CCDC13: variants seen among roughly 807,000 people sequenced by gnomAD.
CCDC13 encodes coiled-coil domain containing 13.
In CCDC13, 70 loss-of-function variants were observed where a neutral mutation model predicts 87.3. The observed-to-expected ratio is 0.80, with a 90% confidence interval of 0.66 to 0.98. The LOEUF is 0.98. Ranked by LOEUF, CCDC13 falls within the 50% of genes least tolerant of loss-of-function variation. The pLI is 0.00. For synonymous variants in CCDC13, 317 were observed against 360.3 expected (o/e 0.88, Z 1.36); for missense variants, 842 against 892.0 (o/e 0.94, Z 0.71).
intron 1 of CCDC13, among the ~76,000 whole-genome samples, chr3:42,767,341 C>T (rs1355878870): frequency 6.6e-6 from 1 of 152,142 alleles, no homozygotes; most frequent in African/African-American, 2.4e-5. Context: ...CATTGAAATA[C>T]TTAGGTATAA....
chr3:42,724,317 C>T (rs1256780259), intron 13 of CCDC13, among the ~76,000 whole-genome samples: 2 of 152,176 alleles, frequency 1.3e-5, no homozygotes, highest in African/African-American at 4.8e-5. Context: ...GGGGGTCACC[C>T]TTGCCTTCTC....
chr3:42,757,139 C>G lies in CCDC13; in HGVS notation c.297G>C (p.Lys99Asn). ...TTTCAAAGTCCCTTTCCTTCAGCAG[C>G]TTATACAATCGCCCGTTCTCGTCCA... ...ETVDENGRLYKLLKERDFEIK... is the reference protein window; with the variant it reads ...ETVDENGRLYNLLKERDFEIK... The change falls in exon 3 of 16, where the codon AAG (lysine) becomes AAC (asparagine). Residue 99 changes from lysine to asparagine, a missense_variant. Lys to Asn is a moderately conservative substitution (Grantham distance 94). Coordinates refer to ENST00000310232, the MANE Select transcript of CCDC13 (RefSeq NM_144719.4). 1 of 1,614,212 alleles carries G rather than the reference C, an allele frequency of 6.2e-7. No homozygotes were observed. The highest frequency in any genetic ancestry group is 8.5e-7 in the Non-Finnish European group (1 of 1,180,028).
At chr3:42,746,397 G>C in intron 6 of CCDC13, 1 of 227,670 alleles carries the variant, frequency 4.4e-6, no homozygotes, top group South Asian at 7.7e-5. Context: ...GCTATAGGAA[G>C]TACATCACCA....
At chr3:42,722,362 T>C (rs1455280886) in intron 13 of CCDC13, among the ~76,000 whole-genome samples, 1 of 152,150 alleles carries the variant, frequency 6.6e-6, no homozygotes, top group South Asian at 2.1e-4. Context: ...GTCAGAGGCA[T>C]TTGAACAAGA....
At chr3:42,760,817 G>A (rs1442554954) in intron 1 of CCDC13, among the ~76,000 whole-genome samples, 1 of 151,820 alleles carries the variant, frequency 6.6e-6, no homozygotes, top group Non-Finnish European at 1.5e-5. Context: ...AAAATAAAAT[G>A]GTATCTCAAT....
At chr3:42,770,062 G>T (rs1444320648) in intron 1 of CCDC13, among the ~76,000 whole-genome samples, 1 of 152,258 alleles carries the variant, frequency 6.6e-6, no homozygotes, top group African/African-American at 2.4e-5. Flanking sequence ...GCACACAGCG[G>T]GACTGGCCGG....
At chr3:42,727,599 T>C (rs1033412234) in intron 13 of CCDC13, among the ~76,000 whole-genome samples, 1 of 152,102 alleles carries the variant, frequency 6.6e-6, no homozygotes, top group Non-Finnish European at 1.5e-5. Flanking sequence ...AAGACTTACT[T>C]TGGAGGGTTT....
chr3:42,749,883 G>A, intron 5 of CCDC13: 1 of 456,750 alleles, frequency 2.2e-6, no homozygotes, highest in African/African-American at 2.0e-5. Context: ...ATGTGCTTTG[G>A]AGGCCTAGGG....
chr3:42,766,077 C>T (rs1699926700), intron 1 of CCDC13, among the ~76,000 whole-genome samples: 1 of 152,000 alleles, frequency 6.6e-6, no homozygotes, highest in African/African-American at 2.4e-5. Context: ...GAATTGCTGC[C>T]AAATGGAAGG....
intron 1 of CCDC13, among the ~76,000 whole-genome samples, chr3:42,771,980 G>A (rs984272641): frequency 6.6e-6 from 1 of 152,030 alleles, no homozygotes; most frequent in African/African-American, 2.4e-5. Context: ...TCTTTTAAAA[G>A]TAAAGGCTAA....
At chr3:42,709,858 C>G in intron 14 of CCDC13, 60 bp from the exon 15 acceptor site, 1 of 1,282,906 alleles carries the variant, frequency 7.8e-7, no homozygotes, top group Non-Finnish European at 1.1e-6. Context: ...TAGCACCCTG[C>G]TTCTCCTCCC....
rs574333172 is a variant in CCDC13 at position 42,773,211 on chromosome 3, G to C, written c.-42C>G. The C allele has an allele frequency of 2.5e-3, 386 of 152,312 alleles. 3 individuals are homozygous for C. Among genetic ancestry groups the C allele is most frequent in the Non-Finnish European group, 1.9e-3 (128 of 68,036 alleles). The allele number at this position is 152,312 out of a possible 1,614,324, so 9.4% of individuals were successfully genotyped here. A position where few individuals can be genotyped will look rare whatever the true frequency, so the allele number is the denominator to read the frequency against. ...CTCCACTTCTCCCTTCTAGGACCGC[G>C]GCGGCTAGGTCACCTCCTCCGGACG... On this transcript the variant is annotated 5_prime_UTR_variant, in exon 1 of 16. Coordinates refer to ENST00000310232, the MANE Select transcript of CCDC13 (RefSeq NM_144719.4).
chr3:42,747,367 T>A lies in CCDC13; in HGVS notation c.610A>T (p.Thr204Ser). ...AQMGDRALLE[T>S]PEVKALQDRL... Reference sequence around the variant, plus strand: ...TCCTGCAGGGCCTTCACCTCTGGGGTCTCCAGCTGGTTGGGAAGGACAGGA... The same window carrying A: ...TCCTGCAGGGCCTTCACCTCTGGGGACTCCAGCTGGTTGGGAAGGACAGGA... The change falls in exon 6 of 16, where the codon ACC becomes TCC. Residue 204 changes from threonine (T) to serine (S), a missense_variant. Transcript: ENST00000310232. 6.2e-7 allele frequency: 1 copy of A among 1,612,112 alleles called. No individual in the cohort carries two copies. The highest frequency in any genetic ancestry group is 2.2e-5 in the East Asian group (1 of 44,848).
chr3:42,751,332 A>C (rs1482555940), intron 5 of CCDC13, among the ~76,000 whole-genome samples: 3 of 152,212 alleles, frequency 2.0e-5, no homozygotes, highest in African/African-American at 7.2e-5. Flanking sequence ...ACTTCCTTTC[A>C]TGGAGCTGCA....
At chr3:42,746,756 C>T (rs1451866521) in intron 6 of CCDC13, 4 of 180,412 alleles carry the variant, frequency 2.2e-5, no homozygotes, top group African/African-American at 2.4e-5. Flanking sequence ...AAATAAATAA[C>T]GAACCAGCTG....
At chr3:42,746,784 T>G (rs1192716611) in intron 6 of CCDC13, 1 of 209,866 alleles carries the variant, frequency 4.8e-6, no homozygotes, top group Non-Finnish European at 9.7e-6. Flanking sequence ...GTCCCAAGTC[T>G]GAGCATTTTC....
At chr3:42,757,009 C>G in intron 3 of CCDC13, 57 bp downstream of exon 3, 1 of 1,544,098 alleles carries the variant, frequency 6.5e-7, no homozygotes, top group Non-Finnish European at 8.9e-7. Flanking sequence ...TGCTGTCTGC[C>G]CTATCTGAAG....
intron 13 of CCDC13, among the ~76,000 whole-genome samples, chr3:42,715,249 C>T (rs1294040019): frequency 6.6e-6 from 1 of 150,898 alleles, no homozygotes; most frequent in Non-Finnish European, 1.5e-5. Flanking sequence ...GTGGAGGTTA[C>T]AGTGAGCTGA....
intron 5 of CCDC13, among the ~76,000 whole-genome samples, 173 bp downstream of exon 5, chr3:42,751,763 T>C (rs1425462922): frequency 6.6e-6 from 1 of 152,266 alleles, no homozygotes; most frequent in Non-Finnish European, 1.5e-5. Flanking sequence ...GGTACTGTTC[T>C]CTGATGTCTG....
Sources: gnomAD v4.1 joint callset for allele counts (sites outside exome capture counted in the v4.1 genomes callset) on GRCh38, gnomAD v4.1.1 for gene constraint, MANE v1.5 for transcripts, NCBI Gene and HGNC (gene_info 2026-07-23, HGNC 2026-07-21) for gene names.